Variants in PRCP observed in about 807,000 individuals in gnomAD.
PRCP encodes prolylcarboxypeptidase, also known as lysosomal Pro-X carboxypeptidase.
In PRCP, 46 loss-of-function variants were observed where a neutral mutation model predicts 54.2. The observed-to-expected ratio is 0.85, with a 90% CI of 0.67 to 1.09. PRCP has a LOEUF of 1.09. PRCP is among the 50% of genes least tolerant of loss of function. PRCP has a pLI of 0.00. For missense variants in PRCP, 613 were observed against 596.8 expected (o/e 1.03, Z -0.28); for synonymous variants, 240 against 212.2 (o/e 1.13, Z -1.14).
chr11:82,835,756 T>A (rs1858508600), intron 8 of PRCP: 9 of 388,088 alleles, frequency 2.3e-5, no homozygotes, highest in Non-Finnish European at 5.0e-6. Flanking sequence ...AGACATTTGA[T>A]GCTGATAAAG....
chr11:82,861,001 TAAAACA>T (rs1859195526), intron 1 of PRCP, among the ~76,000 whole-genome samples: 1 of 152,110 alleles, frequency 6.6e-6, no homozygotes, highest in Admixed American at 6.6e-5. Context: ...AAATTGAACG[TAAAACA>T]AAAACAAATT....
At chr11:82,870,936 ATC>A (rs1859465772) in intron 1 of PRCP, among the ~76,000 whole-genome samples, 1 of 152,152 alleles carries the variant, frequency 6.6e-6, no homozygotes, top group Admixed American at 6.5e-5. Context: ...TGCTGCCATA[ATC>A]TGTTTGCTGA....
chr11:82,897,520 A>G (rs1860145627), intron 1 of PRCP, among the ~76,000 whole-genome samples: 1 of 152,246 alleles, frequency 6.6e-6, no homozygotes, highest in Non-Finnish European at 1.5e-5. Flanking sequence ...AAAGAAGTCA[A>G]AGATTCGCAG....
Position 82,849,906 on chromosome 11 carries a change from A to C in PRCP, c.751+8T>G. 1 of 1,447,930 alleles carries C rather than the reference A, an allele frequency of 6.9e-7. No individual in the cohort carries two copies. Among genetic ancestry groups the C allele is most frequent in the Non-Finnish European group, 9.1e-7 (1 of 1,095,556 alleles). The allele number at this position is 1,447,930 out of a possible 1,614,324, so 89.7% of individuals were successfully genotyped here. On this transcript the variant is annotated splice_region_variant and intron_variant, in intron 5 of 8. Transcript: ENST00000313010. ...ACACACAATTCCATTCTCTTAATTA[A>C]AGCTTACCAGTATTTGAGAGTCGAT...
intron 1 of PRCP, among the ~76,000 whole-genome samples, chr11:82,890,256 C>T (rs1177998042): frequency 1.3e-5 from 2 of 152,198 alleles, no homozygotes; most frequent in Non-Finnish European, 2.9e-5. Flanking sequence ...GCTAGAGGAG[C>T]ATTTCTGTTC....
At chr11:82,859,758 C>A (rs1164064884) in intron 2 of PRCP, among the ~76,000 whole-genome samples, 1 of 152,050 alleles carries the variant, frequency 6.6e-6, no homozygotes, top group Non-Finnish European at 1.5e-5. Flanking sequence ...GCTGAATATG[C>A]AGACTTATTG....
chr11:82,861,986 T>A (rs988049462), intron 1 of PRCP, among the ~76,000 whole-genome samples: 1 of 151,920 alleles, frequency 6.6e-6, no homozygotes, highest in African/African-American at 2.4e-5. Context: ...AACATGATAC[T>A]CAAGGGAAAG....
At chr11:82,889,468 C>T (rs910902686) in intron 1 of PRCP, among the ~76,000 whole-genome samples, 5 of 151,190 alleles carry the variant, frequency 3.3e-5, no homozygotes, top group African/African-American at 9.7e-5. Flanking sequence ...GAAGAGGAAG[C>T]GAGAAGAAGG....
chr11:82,855,357 G>T (rs1859059455), intron 2 of PRCP, among the ~76,000 whole-genome samples: 1 of 152,126 alleles, frequency 6.6e-6, no homozygotes, highest in African/African-American at 2.4e-5. Flanking sequence ...GGTGGCTCAC[G>T]CCTGTAATCC....
intron 1 of PRCP, among the ~76,000 whole-genome samples, chr11:82,885,947 T>C (rs554758213): frequency 6.6e-5 from 10 of 152,292 alleles, no homozygotes; most frequent in Middle Eastern, 3.4e-3. Context: ...TTTATTCCCT[T>C]GGATAGGACC....
intron 8 of PRCP, chr11:82,831,169 T>C (rs1421022365): frequency 6.6e-6 from 1 of 152,096 alleles, no homozygotes; most frequent in Non-Finnish European, 1.5e-5. Flanking sequence ...TGAGAAATTA[T>C]GTTAAACTAA....
At chr11:82,845,855 T>C (rs1858795670) in intron 6 of PRCP, 1 of 152,224 alleles carries the variant, frequency 6.6e-6, no homozygotes. Context: ...CCTTTTCTCT[T>C]CTTCCTTGTG....
chr11:82,881,005 G>A lies in PRCP; in HGVS notation c.168+19230C>T, dbSNP rs925058087. 3.3e-5 allele frequency among the ~76,000 whole-genome samples: 5 copies of A among 152,290 alleles called. No individual in the cohort carries two copies. In the East Asian group the frequency reaches 5.8e-4, roughly 18 times the overall value. On this transcript the variant is annotated intron_variant, in intron 1 of 8. Transcript: ENST00000313010. Reference sequence around the variant, plus strand: ...CCTCTTCTAGACTTGCATGCTTTATGCCTCTCTTGCAACACTTTATACTCA... The same window carrying A: ...CCTCTTCTAGACTTGCATGCTTTATACCTCTCTTGCAACACTTTATACTCA...
chr11:82,841,221 A>T (rs569808917), intron 6 of PRCP, among the ~76,000 whole-genome samples: 24 of 149,926 alleles, frequency 1.6e-4, no homozygotes, highest in African/African-American at 5.7e-4. Flanking sequence ...ATGCAACCAA[A>T]CCCAGCCCCT....
rs369364898 is a variant in PRCP, at chr11:82,851,958, T to C, written c.411+1219A>G. 1.9e-4 allele frequency among the ~76,000 whole-genome samples: 29 copies of C among 152,270 alleles called. No homozygotes were observed. The East Asian group carries it at 4.1e-3, about 21-fold the overall frequency. The stretch of plus-strand genomic sequence containing the variant: ...ACAGTTGAGTGCATTTTTTTTCTAA[T>C]CCTTGCATAATATCTATAATATCCT... On this transcript the variant is annotated intron_variant, in intron 3 of 8. Transcript: ENST00000313010.
chr11:82,864,108 C>A (rs952247191), intron 1 of PRCP, among the ~76,000 whole-genome samples: 4 of 152,214 alleles, frequency 2.6e-5, no homozygotes, highest in African/African-American at 9.7e-5. Context: ...TCCTCTCTAT[C>A]CCATTTGCAC....
chr11:82,873,411 C>T (rs1241061687), intron 1 of PRCP, among the ~76,000 whole-genome samples: 1 of 152,206 alleles, frequency 6.6e-6, no homozygotes, highest in Admixed American at 6.5e-5. Context: ...AAATGCCCCA[C>T]TAAATTGGCA....
chr11:82,866,894 G>T (rs1486542069), intron 1 of PRCP, among the ~76,000 whole-genome samples: 1 of 151,858 alleles, frequency 6.6e-6, no homozygotes, highest in African/African-American at 2.4e-5. Flanking sequence ...GATAATTTTT[G>T]TATTTTTAGT....
chr11:82,900,340 G>A lies in PRCP; in HGVS notation c.63C>T (p.Ala21=), dbSNP rs560671384. ...LSFLAPWATI[A]LRPALRALGS... ...CGAGGGCCCTTAAGGCCGGCCGGAG[G>A]GCTATGGTGGCCCAGGGCGCCAGAA... Residue 21 remains alanine, a synonymous_variant, in exon 1 of 9, where the codon GCC becomes GCT. Transcript: ENST00000313010. The A allele has an allele frequency of 2.5e-6, 4 of 1,614,154 alleles. No individual in the cohort carries two copies. The African/African-American group carries it at 5.3e-5, about 22-fold the overall frequency.
Sources: allele counts gnomAD v4.1 joint callset (sites outside exome capture counted in the v4.1 genomes callset), GRCh38; gene constraint gnomAD v4.1.1; transcripts MANE v1.5; gene names NCBI Gene and HGNC (gene_info 2026-07-23, HGNC 2026-07-21).